RPL26: variants seen among roughly 807,000 people sequenced by gnomAD.
RPL26 encodes the protein large ribosomal subunit protein uL24.
RPL26 carries 1 observed loss-of-function variant against 16.2 expected under a neutral mutation model. That is an observed-to-expected ratio of 0.06 (90% CI 0.02 to 0.29). The LOEUF is 0.29. Ranked by LOEUF, RPL26 falls within the 10% of genes least tolerant of loss-of-function variation. The probability of loss-of-function intolerance (pLI) is 1.00; values close to 1 mark genes in which losing one functional copy is unlikely to be tolerated. For missense variants in RPL26, 102 were observed against 184.3 expected (o/e 0.55, Z 2.58); for synonymous variants, 55 against 62.4 (o/e 0.88, Z 0.56).
intron 2 of RPL26, among the ~76,000 whole-genome samples, chr17:8,380,343 G>C (rs1301083275): frequency 6.6e-6 from 1 of 152,184 alleles, no homozygotes; most frequent in African/African-American, 2.4e-5. Flanking sequence ...AGAGATGACA[G>C]TTTTCAAGGT....
intron 2 of RPL26, chr17:8,380,918 G>A (rs1907379090): frequency 6.6e-6 from 1 of 152,228 alleles, no homozygotes; most frequent in Non-Finnish European, 1.5e-5. Flanking sequence ...GTACCAGACT[G>A]CCTTTGTAGG....
chr17:8,377,619 A>G lies in RPL26; in HGVS notation c.383T>C (p.Val128Ala), dbSNP rs1057021622. 1.9e-6 allele frequency: 3 copies of G among 1,607,856 alleles called. No homozygotes were observed. The highest frequency in any genetic ancestry group is 2.7e-5 in the African/African-American group (2 of 74,848). ...CTTGTATTTGCCCTTTTCCTTTCCT[A>G]CTTGGCGAGATTTGGCTTTCCGTTC... ...ILERKAKSRQ[V>A]GKEKGKYKEE... is the part of the protein sequence containing the mutation. Residue 128 changes from valine (V) to alanine (A), a missense_variant, in exon 4 of 4, where the codon GTA becomes GCA. Val to Ala is a moderately conservative substitution (Grantham distance 64, BLOSUM62 0). Transcript: ENST00000648839.
intron 3 of RPL26, 104 bp downstream of exon 3, chr17:8,379,692 A>G: frequency 9.4e-7 from 1 of 1,058,756 alleles, no homozygotes. Flanking sequence ...TTTTTCCAGC[A>G]CATGTAAAAT....
At chr17:8,378,578 CAT>C (rs1907265846) in intron 3 of RPL26, among the ~76,000 whole-genome samples, 1 of 152,154 alleles carries the variant, frequency 6.6e-6, no homozygotes, top group African/African-American at 2.4e-5. Context: ...AGCATCCACA[CAT>C]AATTCCACCT....
In RPL26 at chr17:8,382,167, G is replaced by A; in HGVS notation, c.144C>T (p.Pro48=). The change falls in exon 2 of 4, where the codon CCC becomes CCT. Residue 48 remains proline, a synonymous_variant. Coordinates refer to ENST00000648839, the MANE Select transcript of RPL26 (RefSeq NM_000987.5). ...CCTGAACTTCATCATCCTTTCGGAT[G>A]GGCATGGATCGCACGTTGTACTTCT... ...LRQKYNVRSM[P]IRKDDEVQVV... 1 of 1,613,466 alleles carries A rather than the reference G, an allele frequency of 6.2e-7. No individual in the cohort carries two copies. Among genetic ancestry groups the A allele is most frequent in the Non-Finnish European group, 8.5e-7 (1 of 1,179,636 alleles).
chr17:8,379,097 T>A (rs1445219890), intron 3 of RPL26: 1 of 152,202 alleles, frequency 6.6e-6, no homozygotes, highest in Admixed American at 6.5e-5. Context: ...GAATTTATAA[T>A]TCTACCAAGT....
At chr17:8,381,800 G>C (rs1431765669) in intron 2 of RPL26, 2 of 221,964 alleles carry the variant, frequency 9.0e-6, no homozygotes, top group Admixed American at 1.2e-4. Context: ...GTGGTGGCGG[G>C]CGCTTGTAAT....
At chr17:8,381,567 A>G (rs557459740) in intron 2 of RPL26, among the ~76,000 whole-genome samples, 110 of 152,294 alleles carry the variant, frequency 7.2e-4, no homozygotes, top group Non-Finnish European at 1.0e-3. Flanking sequence ...AAGGTCCTAC[A>G]TGGGAGCATC....
rs1046320160 is a variant in RPL26 at position 8,383,112 on chromosome 17, A to G, written c.-6+45T>C. 5 of 398,574 alleles carry G rather than the reference A, an allele frequency of 1.3e-5. No individual in the cohort carries two copies. The South Asian group carries it at 5.1e-4, about 41-fold the overall frequency. 24.7% of individuals were successfully genotyped at this position (398,574 alleles called of 1,614,324 possible). A position where few individuals can be genotyped will look rare whatever the true frequency, so the allele number is the denominator to read the frequency against. On this transcript the variant is annotated intron_variant, in intron 1 of 3. Coordinates refer to ENST00000648839, the MANE Select transcript of RPL26 (RefSeq NM_000987.5). ...GCGGTCGGAAGCCACCATGCCCAAG[A>G]ACGGATGGCTGCTGATTACACCCGC...
At chr17:8,379,145 A>G (rs1907294696) in intron 3 of RPL26, 1 of 152,220 alleles carries the variant, frequency 6.6e-6, no homozygotes, top group African/African-American at 2.4e-5. Flanking sequence ...ATAGAATGGA[A>G]AAAGATGTCA....
At chr17:8,377,993 C>T (rs1290849957) in intron 3 of RPL26, among the ~76,000 whole-genome samples, 1 of 152,212 alleles carries the variant, frequency 6.6e-6, no homozygotes, top group East Asian at 1.9e-4. Flanking sequence ...CTGCTCTTCT[C>T]ACTACAGTTT....
chr17:8,379,079 G>A (rs1371195855), intron 3 of RPL26: 1 of 152,144 alleles, frequency 6.6e-6, no homozygotes, highest in Non-Finnish European at 1.5e-5. Flanking sequence ...AGTAGGCCTG[G>A]GCTCTTAGAA....
At chr17:8,382,052 C>T in intron 2 of RPL26, 91 bp downstream of exon 2, 1 of 1,167,440 alleles carries the variant, frequency 8.6e-7, no homozygotes, top group East Asian at 2.4e-5. Context: ...GCAAGAGTCT[C>T]AGAAGCATCT....
At chr17:8,380,986 A>G (rs147527673) in intron 2 of RPL26, 322 of 152,144 alleles carry the variant, frequency 2.1e-3, no homozygotes, top group African/African-American at 7.2e-3. Context: ...GGCTTCCCCA[A>G]TTGCTCCTAG....
At position 8,382,234 on chromosome 17, in the gene RPL26, C is replaced by A. The variant is rs11542516; in HGVS notation, c.77G>T (p.Arg26Leu). The change falls in exon 2 of 4, where the codon CGA becomes CTA. Residue 26 changes from arginine to leucine, a missense_variant. By Grantham distance (102) the Arg-to-Leu change is moderately radical. Transcript: ENST00000648839. ...AAGAGGGGAAGACATAATCTTCCTT[C>A]GAATGTGGGAAGGTGCATTGAAATG... The part of the protein sequence containing the change: ...KRHFNAPSHI[R>L]RKIMSSPLSK... 1 of 1,613,482 alleles carries A rather than the reference C, an allele frequency of 6.2e-7. No individual in the cohort carries two copies. The highest frequency in any genetic ancestry group is 1.7e-5 in the Admixed American group (1 of 59,996).
intron 2 of RPL26, among the ~76,000 whole-genome samples, chr17:8,381,516 C>T (rs1427199980): frequency 2.6e-5 from 4 of 152,274 alleles, no homozygotes; most frequent in Non-Finnish European, 2.9e-5. Flanking sequence ...GGAGACCAAT[C>T]TGGGCAGTAA....
At position 8,377,686 on chromosome 17, in the gene RPL26, T is replaced by C. The variant is rs1907210322; in HGVS notation, c.316A>G (p.Ile106Val). 1 of 1,604,958 alleles carries C rather than the reference T, an allele frequency of 6.2e-7. No homozygotes were observed. Among genetic ancestry groups the C allele is most frequent in the Non-Finnish European group, 8.5e-7 (1 of 1,176,280 alleles). The change falls in exon 4 of 4, where the codon ATC becomes GTC. Residue 106 changes from isoleucine to valine, a missense_variant. Transcript: ENST00000648839. Reference protein sequence around the residue: ...HVGIHPSKVVITRLKLDKDRK... With the variant: ...HVGIHPSKVVVTRLKLDKDRK... ...TCTTTGTCCAGTTTTAGCCTAGTGA[T>C]AACCACCTGCAGAAAAATAAGAAAA...
intron 2 of RPL26, chr17:8,380,589 G>GT (rs1253765147): frequency 6.6e-6 from 1 of 152,188 alleles, no homozygotes; most frequent in Non-Finnish European, 1.5e-5. Context: ...TTATTTACCT[G>GT]TAAGTGCAAA....
chr17:8,381,966 T>C (rs1723950600), intron 2 of RPL26, 177 bp downstream of exon 2: 1 of 515,444 alleles, frequency 1.9e-6, no homozygotes, highest in Non-Finnish European at 3.4e-6. Flanking sequence ...CACCAAATAA[T>C]ACAATTAAAA....
Sources: gnomAD v4.1 joint callset for allele counts (sites outside exome capture counted in the v4.1 genomes callset) on GRCh38, gnomAD v4.1.1 for gene constraint, MANE v1.5 for transcripts, NCBI Gene and HGNC (gene_info 2026-07-23, HGNC 2026-07-21) for gene names.